The following PTPN22 variants were observed in gnomAD, a reference collection of about 807,000 sequenced individuals.
The protein encoded by PTPN22 is tyrosine-protein phosphatase non-receptor type 22.
A neutral mutation model predicts 103.3 loss-of-function variants in PTPN22; 85 were observed. The ratio of observed to expected loss-of-function variants is 0.82; its 90% confidence interval spans 0.69 to 0.99. The LOEUF is 0.99. Ranked by LOEUF, PTPN22 falls within the 50% of genes least tolerant of loss-of-function variation. PTPN22 has a pLI of 0.00. For synonymous variants in PTPN22, 323 were observed against 310.2 expected, an observed-to-expected ratio of 1.04 and a Z score of -0.43; for missense variants, 865 against 936.9, an observed-to-expected ratio of 0.92 and a Z score of 1.00.
intron 11 of PTPN22, among the ~76,000 whole-genome samples, chr1:113,842,839 C>T (rs1314111573): frequency 1.3e-5 from 2 of 151,356 alleles, no homozygotes; most frequent in Non-Finnish European, 2.9e-5. Context: ...CGGTGGCTCA[C>T]GCCTGTAATC....
At chr1:113,849,782 T>C (rs1175107054) in intron 10 of PTPN22, among the ~76,000 whole-genome samples, 1 of 152,012 alleles carries the variant, frequency 6.6e-6, no homozygotes, top group Non-Finnish European at 1.5e-5. Context: ...AGAGACAGGG[T>C]CTCACTATGT....
At chr1:113,817,960 T>TC (rs1661293255) in intron 20 of PTPN22, among the ~76,000 whole-genome samples, 1 of 142,410 alleles carries the variant, frequency 7.0e-6, no homozygotes, top group African/African-American at 2.5e-5. Context: ...TCTTTTTTCC[T>TC]TTTTTTTTTT....
At chr1:113,829,632 T>G in exon 18 of PTPN22, 2 of 1,609,586 alleles carry the variant, frequency 1.2e-6, no homozygotes, top group East Asian at 2.2e-5. Flanking sequence ...CTTCAGTGTC[T>G]GTTTTGAAGA....
chr1:113,832,367 A>T (rs896628251), intron 16 of PTPN22, among the ~76,000 whole-genome samples: 1 of 152,116 alleles, frequency 6.6e-6, no homozygotes, highest in Admixed American at 6.6e-5. Context: ...TTTAGTAGAG[A>T]CAGGGTTTCA....
chr1:113,853,352 C>CTTTTTTT (rs1314425403), intron 9 of PTPN22, among the ~76,000 whole-genome samples: 1 of 130,330 alleles, frequency 7.7e-6, no homozygotes, highest in Non-Finnish European at 1.6e-5. Context: ...CTTTTTCTTT[C>CTTTTTTT]TTTTTTTTTT....
chr1:113,853,475 C>T lies in PTPN22; in HGVS notation c.750+996G>A, dbSNP rs572377535. Among the ~76,000 whole-genome samples, 47 of 146,700 alleles carry T rather than the reference C, an allele frequency of 3.2e-4. No individual in the cohort carries two copies. The South Asian group carries it at 9.1e-3, about 28-fold the overall frequency. The stretch of plus-strand genomic sequence containing the variant: ...AAGTGATTCTCCTGTCTCAGCCTCC[C>T]GAGTAGCTGGTATTACAGGCATGCG... On this transcript the variant is annotated intron_variant, in intron 9 of 20. Transcript: ENST00000359785.
intron 10 of PTPN22, among the ~76,000 whole-genome samples, chr1:113,849,586 A>ATT (rs199711488): frequency 1.4e-4 from 8 of 56,018 alleles, no homozygotes; most frequent in Non-Finnish European, 2.5e-4. Flanking sequence ...TTATTTATTT[A>ATT]TTTATTTATT....
At position 113,852,123 on chromosome 1, in the gene PTPN22, AAATATTCCTTTC is replaced by A; in HGVS notation, c.751-31_751-20del. ...GAATTATCTATCAAATTAAAGGGGA[AAATATTCCTTTC>A]AATATTTTGTTAATAAATTATTGCT... is the stretch of plus-strand genomic sequence containing the variant. On this transcript the variant is annotated intron_variant, in intron 9 of 20. Transcript: ENST00000359785. 1 of 1,550,178 alleles carries A rather than the reference AAATATTCCTTTC, an allele frequency of 6.5e-7. No homozygotes were observed. The highest frequency in any genetic ancestry group is 1.7e-4 in the Middle Eastern group (1 of 5,946).
intron 19 of PTPN22, among the ~76,000 whole-genome samples, chr1:113,820,370 A>G (rs1661487180): frequency 6.6e-6 from 1 of 152,146 alleles, no homozygotes. Context: ...AGGCACAAAA[A>G]TTGATCCAAC....
intron 1 of PTPN22, among the ~76,000 whole-genome samples, chr1:113,865,575 G>A (rs1384606501): frequency 2.0e-5 from 3 of 152,100 alleles, no homozygotes; most frequent in Admixed American, 2.0e-4. Context: ...CTAGCAAGGT[G>A]GTAGAGAAGA....
intron 20 of PTPN22, among the ~76,000 whole-genome samples, chr1:113,818,840 T>C (rs919127419): frequency 6.6e-6 from 1 of 152,240 alleles, no homozygotes; most frequent in African/African-American, 2.4e-5. Context: ...TCCTCTTTTC[T>C]TGCCACCTAC....
chr1:113,841,978 G>A (rs36115604), intron 11 of PTPN22, among the ~76,000 whole-genome samples: 33,018 of 152,002 alleles, frequency 0.22, 4,494 homozygotes, highest in South Asian at 0.39. Flanking sequence ...TTTGAGATGG[G>A]AGGACTCCTT....
At position 113,858,472 on chromosome 1, in the gene PTPN22, A is replaced by T. The variant is rs1206046242; in HGVS notation, c.369+6T>A. 5 of 1,555,544 alleles carry T rather than the reference A, an allele frequency of 3.2e-6. No individual in the cohort carries two copies. The South Asian group carries it at 5.7e-5, about 18-fold the overall frequency. On this transcript the variant is annotated splice_donor_region_variant and intron_variant, in intron 4 of 20. Coordinates refer to ENST00000359785, the Ensembl canonical transcript of PTPN22. Reference sequence around the variant, plus strand: ...AATAAAGTAACAAAAGCAACACCATACTTACAAGGACACTATATTCCCAAA... The same window carrying T: ...AATAAAGTAACAAAAGCAACACCATTCTTACAAGGACACTATATTCCCAAA...
chr1:113,825,255 A>G, intron 18 of PTPN22, 83 bp from the exon 19 acceptor site: 1 of 894,990 alleles, frequency 1.1e-6, no homozygotes, highest in Non-Finnish European at 1.7e-6. Context: ...GACTTAAGTG[A>G]AAAGAATTTA....
intron 19 of PTPN22, 116 bp downstream of exon 19, chr1:113,825,026 T>A: frequency 3.6e-6 from 2 of 555,034 alleles, no homozygotes; most frequent in South Asian, 2.0e-5. Context: ...CATAGGACCC[T>A]ATGGAGGCTC....
At chr1:113,864,051 CG>C in intron 1 of PTPN22, 1 of 278,472 alleles carries the variant, frequency 3.6e-6, no homozygotes, top group Non-Finnish European at 7.1e-6. Flanking sequence ...GAGTCACTTG[CG>C]GTGAGCCAAG....
At chr1:113,866,949 G>A (rs1666172426) in intron 1 of PTPN22, among the ~76,000 whole-genome samples, 1 of 152,068 alleles carries the variant, frequency 6.6e-6, no homozygotes, top group Non-Finnish European at 1.5e-5. Context: ...GTTTCATCAT[G>A]TTGCCCAGGC....
chr1:113,824,073 A>G (rs910057994), intron 19 of PTPN22, among the ~76,000 whole-genome samples: 2 of 151,454 alleles, frequency 1.3e-5, no homozygotes, highest in Admixed American at 6.6e-5. Context: ...AACCAAATGT[A>G]TCAAAAATTT....
At chr1:113,820,308 A>AG (rs1661481999) in intron 19 of PTPN22, among the ~76,000 whole-genome samples, 1 of 152,050 alleles carries the variant, frequency 6.6e-6, no homozygotes. Context: ...ACAAAAAAAA[A>AG]TTAGCGAGGC....
Sources: gnomAD v4.1 joint callset for allele counts (sites outside exome capture counted in the v4.1 genomes callset) on GRCh38, gnomAD v4.1.1 for gene constraint, MANE v1.5 for transcripts, NCBI Gene and HGNC (gene_info 2026-07-23, HGNC 2026-07-21) for gene names.